ARHGAP42: variants seen among roughly 807,000 people sequenced by gnomAD.
ARHGAP42 encodes the protein rho GTPase-activating protein 42.
ARHGAP42 carries 63 observed loss-of-function variants against 125.0 expected under a neutral mutation model. That is an observed-to-expected ratio of 0.50 (90% CI 0.41 to 0.62). The LOEUF (loss-of-function observed/expected upper bound fraction) is 0.62. Ranked by LOEUF, ARHGAP42 falls within the 20% of genes least tolerant of loss-of-function variation. ARHGAP42 has a pLI of 0.00. For missense variants in ARHGAP42, 766 were observed against 1,024.2 expected (o/e 0.75, Z 3.44); for synonymous variants, 339 against 351.0 (o/e 0.97, Z 0.38).
chr11:100,828,099 A>G (rs555721413), intron 3 of ARHGAP42, among the ~76,000 whole-genome samples: 16 of 152,276 alleles, frequency 1.1e-4, no homozygotes, highest in Middle Eastern at 3.4e-3. Flanking sequence ...TTAACATTCC[A>G]GGGGTCCTGC....
chr11:100,780,752 A>T (rs1322408428), intron 2 of ARHGAP42, among the ~76,000 whole-genome samples: 2 of 152,240 alleles, frequency 1.3e-5, no homozygotes, highest in African/African-American at 4.8e-5. Context: ...TATCAACCAG[A>T]TCTAAGCCAC....
At chr11:100,866,289 A>C (rs1214369711) in intron 4 of ARHGAP42, among the ~76,000 whole-genome samples, 1 of 152,132 alleles carries the variant, frequency 6.6e-6, no homozygotes, top group Non-Finnish European at 1.5e-5. Flanking sequence ...AAGTTCCTCC[A>C]CTGACGTCTT....
chr11:100,772,744 A>C (rs1863012486), intron 2 of ARHGAP42, among the ~76,000 whole-genome samples: 1 of 152,244 alleles, frequency 6.6e-6, no homozygotes, highest in South Asian at 2.1e-4. Flanking sequence ...TTAGCCAGGT[A>C]AAAGCCTAGA....
intron 23 of ARHGAP42, among the ~76,000 whole-genome samples, chr11:100,988,002 C>T (rs894623770): frequency 6.6e-6 from 1 of 152,020 alleles, no homozygotes; most frequent in Non-Finnish European, 1.5e-5. Context: ...GTGGTGTGCA[C>T]CTGTAGTCCT....
At chr11:100,864,123 T>G (rs952457063) in intron 4 of ARHGAP42, among the ~76,000 whole-genome samples, 1 of 152,256 alleles carries the variant, frequency 6.6e-6, no homozygotes, top group African/African-American at 2.4e-5. Context: ...TCTCTGCACT[T>G]TATATGCCTG....
chr11:100,892,451 G>C (rs991290184), intron 4 of ARHGAP42, among the ~76,000 whole-genome samples: 12 of 151,730 alleles, frequency 7.9e-5, no homozygotes, highest in Non-Finnish European at 1.5e-5. Flanking sequence ...GTTAGACTAA[G>C]TCAGTTTCTA....
intron 17 of ARHGAP42, 24 bp downstream of exon 17, chr11:100,965,800 C>T (rs1565298291): frequency 1.3e-6 from 2 of 1,514,506 alleles, no homozygotes; most frequent in Admixed American, 4.0e-5. Flanking sequence ...TTACATTGTT[C>T]ATTTAACTTA....
chr11:100,728,713 CGTATAT>C (rs1364558037), intron 1 of ARHGAP42, among the ~76,000 whole-genome samples: 8,352 of 94,874 alleles, frequency 0.088, 669 homozygotes, highest in East Asian at 0.092. Context: ...AATGACTTTG[CGTATAT>C]ATATATATAT....
At chr11:100,972,095 G>A (rs968650151) in intron 17 of ARHGAP42, among the ~76,000 whole-genome samples, 14 of 152,176 alleles carry the variant, frequency 9.2e-5, no homozygotes, top group Admixed American at 5.2e-4. Context: ...GTCAGTCAGC[G>A]TGGCAGCTTT....
chr11:100,899,728 T>G (rs1275433662), intron 4 of ARHGAP42, among the ~76,000 whole-genome samples: 8 of 97,184 alleles, frequency 8.2e-5, no homozygotes, highest in African/African-American at 1.7e-4. Flanking sequence ...TTTTGTTTTT[T>G]TTTTTGTTTT....
At chr11:100,851,123 C>T (rs1865195093) in intron 3 of ARHGAP42, among the ~76,000 whole-genome samples, 1 of 151,880 alleles carries the variant, frequency 6.6e-6, no homozygotes, top group Admixed American at 6.6e-5. Flanking sequence ...CTCAGGTGAT[C>T]CACCCACCTC....
intron 1 of ARHGAP42, among the ~76,000 whole-genome samples, chr11:100,769,657 T>C (rs1490157266): frequency 6.6e-6 from 1 of 151,896 alleles, no homozygotes; most frequent in African/African-American, 2.4e-5. Context: ...TGGTGACTTT[T>C]TCTAATCAAC....
chr11:100,962,332 C>A, intron 15 of ARHGAP42, 77 bp from the exon 16 acceptor site: 1 of 1,164,510 alleles, frequency 8.6e-7, no homozygotes, highest in Non-Finnish European at 1.2e-6. Context: ...TCACCTAATT[C>A]TTAAAGAAAC....
At chr11:100,797,152 G>A (rs529817161) in intron 3 of ARHGAP42, among the ~76,000 whole-genome samples, 4 of 152,164 alleles carry the variant, frequency 2.6e-5, no homozygotes, top group Non-Finnish European at 5.9e-5. Flanking sequence ...TGGTTCATAA[G>A]GTTTAAGGAA....
At chr11:100,780,209 A>G (rs764076049) in intron 2 of ARHGAP42, among the ~76,000 whole-genome samples, 1 of 152,126 alleles carries the variant, frequency 6.6e-6, no homozygotes, top group Non-Finnish European at 1.5e-5. Context: ...TGTACAAACT[A>G]AAGGATAAGG....
intron 8 of ARHGAP42, among the ~76,000 whole-genome samples, chr11:100,937,529 C>T (rs1159237466): frequency 6.6e-6 from 1 of 152,022 alleles, no homozygotes; most frequent in Non-Finnish European, 1.5e-5. Flanking sequence ...TGTGACAGTA[C>T]ATTGAGAGGA....
intron 3 of ARHGAP42, among the ~76,000 whole-genome samples, chr11:100,847,634 C>T (rs1364468117): frequency 1.3e-5 from 2 of 152,032 alleles, no homozygotes; most frequent in African/African-American, 4.8e-5. Context: ...CTAATTTAAC[C>T]TGGAGAGATG....
intron 1 of ARHGAP42, among the ~76,000 whole-genome samples, chr11:100,767,644 G>A (rs1050122022): frequency 1.3e-5 from 2 of 152,084 alleles, no homozygotes; most frequent in African/African-American, 2.4e-5. Flanking sequence ...TCAGAAGAAC[G>A]CTTGGTGGTG....
chr11:100,763,368 T>C (rs755477861), intron 1 of ARHGAP42, among the ~76,000 whole-genome samples: 5 of 152,186 alleles, frequency 3.3e-5, no homozygotes, highest in Non-Finnish European at 7.4e-5. Flanking sequence ...CTGCTTTCTA[T>C]TAGGCACTAA....
Sources: allele counts gnomAD v4.1 joint callset (sites outside exome capture counted in the v4.1 genomes callset), GRCh38; gene constraint gnomAD v4.1.1; transcripts MANE v1.5; gene names NCBI Gene and HGNC (gene_info 2026-07-23, HGNC 2026-07-21).